Variants in USP13 observed in about 807,000 individuals in gnomAD.
USP13 encodes ubiquitin carboxyl-terminal hydrolase 13.
USP13 carries 68 observed loss-of-function variants against 107.8 expected under a neutral mutation model. That is an observed-to-expected ratio of 0.63 (90% confidence interval 0.52 to 0.77). USP13 has a LOEUF of 0.77. Ranked by LOEUF, USP13 falls within the 30% of genes least tolerant of loss-of-function variation. USP13 has a pLI of 0.00. For missense variants in USP13, 945 were observed against 1,093.3 expected, an observed-to-expected ratio of 0.86 and a Z score of 1.91; for synonymous variants, 377 against 389.5, an observed-to-expected ratio of 0.97 and a Z score of 0.38.
intron 1 of USP13, among the ~76,000 whole-genome samples, chr3:179,662,528 A>G (rs1231404966): frequency 6.6e-6 from 1 of 151,994 alleles, no homozygotes; most frequent in Non-Finnish European, 1.5e-5. Flanking sequence ...AGCTTTCCAG[A>G]CTTTAGTGCT....
Position 179,720,022 on chromosome 3 carries a change from T to A in USP13, c.888T>A (p.Leu296=), listed in dbSNP as rs1560061282. The A allele has an allele frequency of 6.2e-7, 1 of 1,613,884 alleles. No individual in the cohort carries two copies. Among genetic ancestry groups the A allele is most frequent in the Admixed American group, 1.7e-5 (1 of 60,000 alleles). Residue 296 remains leucine (L), a synonymous_variant, in exon 7 of 21, where the codon CTT becomes CTA. Coordinates refer to ENST00000263966, the MANE Select transcript of USP13 (RefSeq NM_003940.3). ...KHLAHFGIDM[L]HMHGTENGLQ... is the part of the protein sequence containing the mutation. ...TAGCGCATTTTGGAATTGATATGCT[T>A]CATATGCATGGGGTGAGGTCTCCTT...
At chr3:179,741,159 C>T (rs1433648180) in intron 11 of USP13, among the ~76,000 whole-genome samples, 1 of 152,086 alleles carries the variant, frequency 6.6e-6, no homozygotes, top group Non-Finnish European at 1.5e-5. Flanking sequence ...CAAAATCCCC[C>T]TTAATGCCAC....
At chr3:179,713,021 T>A (rs1460958750) in intron 6 of USP13, among the ~76,000 whole-genome samples, 1 of 152,230 alleles carries the variant, frequency 6.6e-6, no homozygotes, top group Non-Finnish European at 1.5e-5. Context: ...TTTTTAAAAA[T>A]TGTTTTTTAA....
At chr3:179,656,851 T>TCTAG (rs1260638438) in intron 1 of USP13, among the ~76,000 whole-genome samples, 1 of 152,212 alleles carries the variant, frequency 6.6e-6, no homozygotes, top group Non-Finnish European at 1.5e-5. Flanking sequence ...CAGCAGCTGG[T>TCTAG]CTAGCATCTG....
intron 16 of USP13, among the ~76,000 whole-genome samples, chr3:179,759,897 C>G (rs1714943102): frequency 6.6e-6 from 1 of 152,218 alleles, no homozygotes; most frequent in African/African-American, 2.4e-5. Flanking sequence ...TGGTCTCCAT[C>G]TCTTGACCTT....
chr3:179,707,062 C>T lies in USP13; in HGVS notation c.606C>T (p.Val202=). The change falls in exon 5 of 21, where the codon GTC becomes GTT. Residue 202 remains valine (V), a synonymous_variant. Transcript: ENST00000263966. ...ACCTCACCCAGCTGGACAATGGAGT[C>T]AGGATTCCTCCAAGGTGAGAGTCAG... is the stretch of plus-strand genomic sequence containing the variant. ...ANNLTQLDNG[V]RIPPSGWKCA... The T allele has an allele frequency of 6.2e-7, 1 of 1,613,820 alleles. No homozygotes were observed. Among genetic ancestry groups the T allele is most frequent in the Non-Finnish European group, 8.5e-7 (1 of 1,179,920 alleles).
At position 179,787,133 on chromosome 3, in the gene USP13, C is replaced by T. The variant is rs1715934753; in HGVS notation, c.*2992C>T. ...TTGGAATTGACCAGGCTGCTTTCTC[C>T]TACCTGCAAGAGAATGTGCCTGACA... is the stretch of plus-strand genomic sequence containing the variant. On this transcript the variant is annotated 3_prime_UTR_variant, in exon 21 of 21. Transcript: ENST00000263966. The T allele has an allele frequency of 6.6e-6, 1 of 152,230 alleles. No individual in the cohort carries two copies. Among genetic ancestry groups the T allele is most frequent in the Admixed American group, 6.5e-5 (1 of 15,280 alleles). The allele number at this position is 152,230 out of a possible 1,614,324, so 9.4% of individuals were successfully genotyped here. A position where few individuals can be genotyped will look rare whatever the true frequency, so the allele number is the denominator to read the frequency against.
At position 179,721,089 on chromosome 3, in the gene USP13, G is replaced by A. The variant is rs1418346868; in HGVS notation, c.901-313G>A. 6.6e-6 allele frequency among the ~76,000 whole-genome samples: 1 copy of A among 152,130 alleles called. No individual in the cohort carries two copies. The highest frequency in any genetic ancestry group is 1.5e-5 in the Non-Finnish European group (1 of 68,028). On this transcript the variant is annotated intron_variant, in intron 7 of 20. Coordinates refer to ENST00000263966, the MANE Select transcript of USP13 (RefSeq NM_003940.3). This position sits in a 1 kb window ranked among gnomAD's most constrained non-coding sequence, Gnocchi z 4.3. ...CTCCCAAAGTGTTGGGATTACAGGT[G>A]TGAACCGCTGCGCCCGGCCTCTCTT...
intron 1 of USP13, among the ~76,000 whole-genome samples, chr3:179,672,203 C>T (rs541912248): frequency 5.3e-5 from 8 of 152,178 alleles, no homozygotes; most frequent in South Asian, 4.2e-4. Flanking sequence ...TTCTTTTAAA[C>T]GGCAGGCAAT....
At chr3:179,679,016 A>G (rs2108450829) in intron 1 of USP13, among the ~76,000 whole-genome samples, 1 of 152,240 alleles carries the variant, frequency 6.6e-6, no homozygotes, top group Admixed American at 6.5e-5. Context: ...TGCAATGTAT[A>G]TGCTACAGTA....
At chr3:179,772,579 C>T (rs2284884) in intron 19 of USP13, among the ~76,000 whole-genome samples, 24,085 of 152,134 alleles carry the variant, frequency 0.16, 2,027 homozygotes, top group East Asian at 0.21. Flanking sequence ...GGAAGCTAAG[C>T]CCCAGTGGTC....
At chr3:179,723,403 C>T (rs1713395948) in intron 8 of USP13, among the ~76,000 whole-genome samples, 1 of 152,050 alleles carries the variant, frequency 6.6e-6, no homozygotes, top group Non-Finnish European at 1.5e-5. Flanking sequence ...GTCCTCACCC[C>T]CAGGCATGAA....
Position 179,780,485 on chromosome 3 carries a change from TA to T in USP13, c.2414-1253del, listed in dbSNP as rs532552352. Among the ~76,000 whole-genome samples, 11 of 152,254 alleles carry T rather than the reference TA, an allele frequency of 7.2e-5. No individual in the cohort carries two copies. The East Asian group carries it at 1.9e-3, about 27-fold the overall frequency. ...AAGAAAACAATATCATTTACTGCCA[TA>T]GACTAACATGATATCAGCCAGAGAG... is the stretch of plus-strand genomic sequence containing the variant. On this transcript the variant is annotated intron_variant, in intron 19 of 20. Coordinates refer to ENST00000263966, the MANE Select transcript of USP13 (RefSeq NM_003940.3).
At chr3:179,764,443 G>C (rs1487785924) in intron 18 of USP13, among the ~76,000 whole-genome samples, 2 of 152,096 alleles carry the variant, frequency 1.3e-5, no homozygotes, top group Non-Finnish European at 2.9e-5. Context: ...TGTTAACAGG[G>C]GGTCAGAAAT....
At chr3:179,682,075 G>A in intron 2 of USP13, 72 bp downstream of exon 2, 13 of 1,509,464 alleles carry the variant, frequency 8.6e-6, no homozygotes, top group South Asian at 4.0e-5. Flanking sequence ...GCTTTCTCAC[G>A]TGGAAATTTG....
chr3:179,780,663 AC>A (rs1239459116), intron 19 of USP13, among the ~76,000 whole-genome samples: 1 of 152,182 alleles, frequency 6.6e-6, no homozygotes, highest in Non-Finnish European at 1.5e-5. Flanking sequence ...GTATTTGAGA[AC>A]GGAGGTCATC....
intron 2 of USP13, among the ~76,000 whole-genome samples, chr3:179,689,118 G>C (rs1344389730): frequency 1.3e-5 from 2 of 152,204 alleles, no homozygotes; most frequent in African/African-American, 4.8e-5. Context: ...AAAATGTGCA[G>C]CAAGGTCTCG....
intron 6 of USP13, among the ~76,000 whole-genome samples, chr3:179,719,450 G>T (rs1471028878): frequency 6.6e-6 from 1 of 152,136 alleles, no homozygotes; most frequent in African/African-American, 2.4e-5. Flanking sequence ...AGAATACAGA[G>T]GGTTTCATGG....
At chr3:179,724,190 G>A (rs553883179) in intron 8 of USP13, among the ~76,000 whole-genome samples, 4 of 152,082 alleles carry the variant, frequency 2.6e-5, no homozygotes, top group African/African-American at 9.6e-5. Flanking sequence ...GGGTGCAGTG[G>A]CTCACGCCTG....
Sources: gnomAD v4.1 joint callset for allele counts (sites outside exome capture counted in the v4.1 genomes callset) on GRCh38, gnomAD v4.1.1 for gene constraint, Gnocchi (gnomAD v3.1) non-coding constraint, MANE v1.5 for transcripts, NCBI Gene and HGNC (gene_info 2026-07-23, HGNC 2026-07-21) for gene names.